TXNDC12: variants seen among roughly 807,000 people sequenced by gnomAD.
TXNDC12 encodes the protein thioredoxin domain containing 12, also known as thioredoxin domain-containing protein 12.
TXNDC12 carries 22 observed loss-of-function variants against 24.2 expected under a neutral mutation model. The ratio of observed to expected loss-of-function variants is 0.91; its 90% CI spans 0.65 to 1.30. TXNDC12 has a LOEUF of 1.30. Among genes scored for constraint, TXNDC12 ranks in the 50% most tolerant of loss-of-function variants. The pLI is 0.00. For missense variants in TXNDC12, 184 were observed against 205.8 expected (o/e 0.89, Z 0.65); for synonymous variants, 58 against 73.4 (o/e 0.79, Z 1.07).
upstream of TXNDC12, chr1:52,055,466 C>A: frequency 4.0e-6 from 1 of 248,200 alleles, no homozygotes; most frequent in Non-Finnish European, 8.1e-6. Flanking sequence ...CCCAGTCCAG[C>A]CCCTCCCCCC....
At chr1:52,022,617 C>G (rs564522624) in intron 6 of TXNDC12, among the ~76,000 whole-genome samples, 1 of 148,110 alleles carries the variant, frequency 6.8e-6, no homozygotes, top group Middle Eastern at 3.2e-3. Flanking sequence ...GGTCCGTTTA[C>G]GTTTCGGGGT....
chr1:52,044,093 C>G, intron 1 of TXNDC12: 1 of 152,236 alleles, frequency 6.6e-6, no homozygotes, highest in East Asian at 1.9e-4. Context: ...TATCTAAACT[C>G]AGGCAACTGA....
At chr1:52,054,684 G>C (rs1686293000) in intron 1 of TXNDC12, among the ~76,000 whole-genome samples, 1 of 151,948 alleles carries the variant, frequency 6.6e-6, no homozygotes, top group South Asian at 2.1e-4. Context: ...AGGTGGGAAG[G>C]TGACCGTTCC....
chr1:52,025,407 A>T (rs535394192), intron 4 of TXNDC12, among the ~76,000 whole-genome samples: 10 of 152,040 alleles, frequency 6.6e-5, no homozygotes, highest in African/African-American at 2.4e-4. Context: ...TTTAGTAGAG[A>T]CGGGGTTTCA....
At chr1:52,024,620 T>C in intron 4 of TXNDC12, 41 bp from the exon 5 acceptor site, 1 of 1,501,966 alleles carries the variant, frequency 6.7e-7, no homozygotes, top group Non-Finnish European at 9.1e-7. Flanking sequence ...GATAACGTCC[T>C]CTCTCTCCTC....
rs113739187 is a variant in TXNDC12 at position 52,046,049 on chromosome 1, T to TA, written c.98-4453dup. ...GCAACATAGTGAGACCCCATCTCTA[T>TA]AAAAAATAGAAAAATTAGCCAGGTG... On this transcript the variant is annotated intron_variant, in intron 1 of 6. Transcript: ENST00000371626. Among the ~76,000 whole-genome samples the TA allele has an allele frequency of 8.5e-3, 1,286 of 151,996 alleles. 17 individuals are homozygous for TA. Among genetic ancestry groups the TA allele is most frequent in the African/African-American group, 0.029 (1,214 of 41,466 alleles).
intron 1 of TXNDC12, among the ~76,000 whole-genome samples, chr1:52,046,868 T>A (rs12140163): frequency 0.013 from 246 of 18,292 alleles, 1 homozygote; most frequent in South Asian, 0.045. Flanking sequence ...AAAAAAAAAA[T>A]ATATATATAT....
intron 1 of TXNDC12, among the ~76,000 whole-genome samples, chr1:52,047,074 A>C (rs1686109791): frequency 6.6e-6 from 1 of 151,986 alleles, no homozygotes; most frequent in Admixed American, 6.6e-5. Context: ...TACCAGGGAC[A>C]ACTGAAAGCT....
At chr1:52,029,310 G>C (rs1049522568) in intron 2 of TXNDC12, among the ~76,000 whole-genome samples, 1 of 152,012 alleles carries the variant, frequency 6.6e-6, no homozygotes, top group African/African-American at 2.4e-5. Context: ...AATAATAGCA[G>C]TTTTCTGTGG....
chr1:52,025,623 G>A (rs542493174), intron 4 of TXNDC12, among the ~76,000 whole-genome samples: 3 of 152,180 alleles, frequency 2.0e-5, no homozygotes, highest in Non-Finnish European at 4.4e-5. Context: ...AGAAAGTGGT[G>A]AGGAATTCAT....
chr1:52,041,420 T>G (rs1310714978), intron 2 of TXNDC12, 117 bp downstream of exon 2: 1 of 568,266 alleles, frequency 1.8e-6, no homozygotes, highest in Admixed American at 3.0e-5. Flanking sequence ...TTGTTGTAAT[T>G]AGGCAACTAT....
At chr1:52,052,837 T>C (rs1686242114) in intron 1 of TXNDC12, among the ~76,000 whole-genome samples, 1 of 152,186 alleles carries the variant, frequency 6.6e-6, no homozygotes, top group Admixed American at 6.5e-5. Flanking sequence ...GCAAATTATT[T>C]GTTGAGTGTC....
At chr1:52,035,776 C>G (rs1462412208) in intron 2 of TXNDC12, among the ~76,000 whole-genome samples, 1 of 152,152 alleles carries the variant, frequency 6.6e-6, no homozygotes, top group Admixed American at 6.6e-5. Context: ...GCCTTTTCCT[C>G]CTCCTTATGC....
At chr1:52,051,880 G>A (rs1686212848) in intron 1 of TXNDC12, 1 of 169,180 alleles carries the variant, frequency 5.9e-6, no homozygotes, top group Admixed American at 6.5e-5. Flanking sequence ...AGGGTAAGTG[G>A]GGTATAATCT....
intron 2 of TXNDC12, chr1:52,032,631 A>AT (rs1685784947): frequency 1.3e-6 from 2 of 1,530,012 alleles, no homozygotes; most frequent in Admixed American, 2.2e-5. Context: ...CCTGCAGCCT[A>AT]TTTTTCCCAG....
intron 6 of TXNDC12, among the ~76,000 whole-genome samples, chr1:52,021,580 A>AG (rs1206551569): frequency 4.0e-5 from 6 of 150,552 alleles, no homozygotes; most frequent in Non-Finnish European, 5.9e-5. Flanking sequence ...AAAAAAAAAA[A>AG]AGAGAGAGAG....
intron 2 of TXNDC12, among the ~76,000 whole-genome samples, chr1:52,040,224 T>C (rs1400138364): frequency 4.0e-5 from 6 of 151,372 alleles, no homozygotes; most frequent in Non-Finnish European, 7.4e-5. Flanking sequence ...TGAGCCACCA[T>C]GCCTGGCCAG....
chr1:52,047,730 C>T (rs534004279), intron 1 of TXNDC12, among the ~76,000 whole-genome samples: 1 of 148,366 alleles, frequency 6.7e-6, no homozygotes, highest in South Asian at 2.2e-4. Flanking sequence ...GGATGAGACT[C>T]TATCTCTAAA....
chr1:52,049,780 T>C (rs2783185), intron 1 of TXNDC12, among the ~76,000 whole-genome samples: 8,335 of 152,006 alleles, frequency 0.055, 284 homozygotes, highest in East Asian at 0.13. Flanking sequence ...TCAAGCAATC[T>C]GCCCGCCTTG....
Sources: allele counts gnomAD v4.1 joint callset (sites outside exome capture counted in the v4.1 genomes callset), GRCh38; gene constraint gnomAD v4.1.1; transcripts MANE v1.5; gene names NCBI Gene and HGNC (gene_info 2026-07-23, HGNC 2026-07-21).